Variants in NFU1 observed in about 807,000 individuals in gnomAD.
The protein encoded by NFU1 is NFU1 iron-sulfur cluster scaffold.
Under a neutral mutation model 32.2 loss-of-function variants are expected in NFU1, and 30 were observed. The ratio of observed to expected loss-of-function variants is 0.93; its 90% CI spans 0.70 to 1.26. The LOEUF (loss-of-function observed/expected upper bound fraction) is 1.26, where lower values mean the gene tolerates loss of function less well. Among genes scored for constraint, NFU1 ranks in the 50% most tolerant of loss-of-function variants. The pLI, the probability that NFU1 is intolerant of heterozygous loss-of-function variation, is 0.00. For missense variants in NFU1, 306 were observed against 306.6 expected, an observed-to-expected ratio of 1.00 and a Z score of 0.02; for synonymous variants, 112 against 104.6, an observed-to-expected ratio of 1.07 and a Z score of -0.43.
At chr2:69,402,878 C>A (rs997005325) in intron 6 of NFU1, among the ~76,000 whole-genome samples, 5 of 151,798 alleles carry the variant, frequency 3.3e-5, no homozygotes, top group African/African-American at 7.3e-5. Flanking sequence ...CCACCGCGCC[C>A]GGTCTTTATC....
At chr2:69,438,943 T>G (rs1202075237), upstream of NFU1, among the ~76,000 whole-genome samples, 4 of 130,308 alleles carry the variant, frequency 3.1e-5, no homozygotes, top group Admixed American at 3.6e-4. Context: ...CGCAAGGCAG[T>G]CCAAGGCTCT....
At position 69,413,304 on chromosome 2, in the gene NFU1, A is replaced by G. The variant is rs80109589; in HGVS notation, c.484+1881T>C. Among the ~76,000 whole-genome samples, 2,059 of 149,114 alleles carry G rather than the reference A, an allele frequency of 0.014. 104 individuals are homozygous for G. The East Asian group carries it at 0.17, about 12-fold the overall frequency. On this transcript the variant is annotated intron_variant, in intron 5 of 7. Coordinates refer to ENST00000410022, the MANE Select transcript of NFU1 (RefSeq NM_001002755.4). ...CCGTTTCAAAAAAAAAAAAGAAAAAAAAACAAGGTACCATTGTATACCCAA... is the reference window on the plus strand; with the variant it reads ...CCGTTTCAAAAAAAAAAAAGAAAAAGAAACAAGGTACCATTGTATACCCAA...
chr2:69,436,476 T>C (rs1460714981), intron 1 of NFU1, among the ~76,000 whole-genome samples: 2 of 152,170 alleles, frequency 1.3e-5, no homozygotes, highest in South Asian at 2.1e-4. Flanking sequence ...GCAGAATGAA[T>C]AAAGAGGAAG....
chr2:69,397,686 G>A (rs529741102), intron 7 of NFU1, among the ~76,000 whole-genome samples: 5 of 152,126 alleles, frequency 3.3e-5, no homozygotes, highest in African/African-American at 1.2e-4. Context: ...GCTGAGGCAG[G>A]TGGATCACCT....
chr2:69,428,276 T>C (rs1337638687), intron 2 of NFU1, among the ~76,000 whole-genome samples: 2 of 151,834 alleles, frequency 1.3e-5, no homozygotes, highest in Non-Finnish European at 2.9e-5. Flanking sequence ...AATACAAAAA[T>C]TAGCCAGGTG....
At chr2:69,421,154 A>G (rs969085830) in intron 3 of NFU1, among the ~76,000 whole-genome samples, 1 of 152,162 alleles carries the variant, frequency 6.6e-6, no homozygotes, top group Non-Finnish European at 1.5e-5. Context: ...CAGTGAGCCA[A>G]GATCACGCCA....
Position 69,430,012 on chromosome 2 carries a change from T to C in NFU1, c.166+1890A>G, listed in dbSNP as rs149453853. ...TCACTGCACTTTAGCCTGGGCAACA[T>C]AGTGAGACCCTGCCTCAAAAACAAA... On this transcript the variant is annotated intron_variant, in intron 2 of 7. Coordinates refer to ENST00000410022, the MANE Select transcript of NFU1 (RefSeq NM_001002755.4). The C allele has an allele frequency of 1.7e-3, 543 of 327,464 alleles. 2 individuals carry two copies. Among genetic ancestry groups the C allele is most frequent in the Admixed American group, 1.9e-3 (47 of 24,872 alleles). The allele number at this position is 327,464 out of a possible 1,614,324, so 20.3% of individuals were successfully genotyped here.
chr2:69,422,363 G>A (rs556203603), intron 3 of NFU1, among the ~76,000 whole-genome samples: 2 of 152,136 alleles, frequency 1.3e-5, no homozygotes, highest in Non-Finnish European at 2.9e-5. Context: ...TGAAACCAGG[G>A]AAAGTGAAAC....
upstream of NFU1, among the ~76,000 whole-genome samples, chr2:69,438,910 C>A (rs1314864916): frequency 1.1e-4 from 14 of 126,188 alleles, no homozygotes; most frequent in South Asian, 2.6e-3. Context: ...CCACCCACCC[C>A]CCCACACACA....
Position 69,435,072 on chromosome 2 carries a change from G to C in NFU1, c.62+2289C>G, listed in dbSNP as rs531250939. 3.9e-5 allele frequency among the ~76,000 whole-genome samples: 6 copies of C among 152,234 alleles called. No individual in the cohort carries two copies. The East Asian group carries it at 9.6e-4, about 24-fold the overall frequency. On this transcript the variant is annotated intron_variant, in intron 1 of 7. Coordinates refer to ENST00000410022, the MANE Select transcript of NFU1 (RefSeq NM_001002755.4). Reference sequence around the variant, plus strand: ...GAAGTTGCAACTCTTAGGACCGCCAGAATAATGGCTGGTAATCATTTACAT... The same window carrying C: ...GAAGTTGCAACTCTTAGGACCGCCACAATAATGGCTGGTAATCATTTACAT...
intron 1 of NFU1, among the ~76,000 whole-genome samples, chr2:69,435,050 G>T (rs1177698313): frequency 2.0e-5 from 3 of 152,200 alleles, no homozygotes; most frequent in Non-Finnish European, 4.4e-5. Flanking sequence ...AATTGGGGAA[G>T]TTGCAACTCT....
intron 3 of NFU1, among the ~76,000 whole-genome samples, chr2:69,423,146 TTGTGTGTG>T (rs1169374450): frequency 7.6e-6 from 1 of 132,134 alleles, no homozygotes; most frequent in Non-Finnish European, 1.5e-5. Flanking sequence ...TCAGCTAAAT[TTGTGTGTG>T]TGTGTGTGTG....
At position 69,413,312 on chromosome 2, in the gene NFU1, G is replaced by T. The variant is rs1399506802; in HGVS notation, c.484+1873C>A. On this transcript the variant is annotated intron_variant, in intron 5 of 7. Transcript: ENST00000410022. ...AAAAAAAAAAAGAAAAAAAAACAAG[G>T]TACCATTGTATACCCAACATACGGG... Among the ~76,000 whole-genome samples the T allele has an allele frequency of 2.1e-5, 3 of 141,634 alleles. No individual in the cohort carries two copies. The Admixed American group carries it at 2.2e-4, about 10-fold the overall frequency. The allele number at this position is 141,634 out of a possible 152,430, so 92.9% of individuals were successfully genotyped here. A position where few individuals can be genotyped will look rare whatever the true frequency, so the allele number is the denominator to read the frequency against.
chr2:69,414,812 T>C (rs1177595406), intron 5 of NFU1, among the ~76,000 whole-genome samples: 1 of 152,064 alleles, frequency 6.6e-6, no homozygotes, highest in Non-Finnish European at 1.5e-5. Context: ...ATGCTCTATA[T>C]TCTGACACTG....
At position 69,420,607 on chromosome 2, in the gene NFU1, G is replaced by A. The variant is rs538828185; in HGVS notation, c.303-1003C>T. Among the ~76,000 whole-genome samples, 4 of 152,228 alleles carry A rather than the reference G, an allele frequency of 2.6e-5. No individual in the cohort carries two copies. The East Asian group carries it at 7.7e-4, about 29-fold the overall frequency. ...AGTATCATATTGGACTCACTGTTCT[G>A]CAAGTTGCTTTCTTCACTTGTATGT... On this transcript the variant is annotated intron_variant, in intron 3 of 7. Coordinates refer to ENST00000410022, the MANE Select transcript of NFU1 (RefSeq NM_001002755.4).
At chr2:69,416,297 T>A (rs1673049436) in intron 4 of NFU1, 1 of 143,460 alleles carries the variant, frequency 7.0e-6, no homozygotes, top group Admixed American at 6.9e-5. Flanking sequence ...TTATTATTAA[T>A]AATATAATTA....
rs756107207 is a variant in NFU1, at chr2:69,400,310, CA to C, written c.720+53del. On this transcript the variant is annotated intron_variant, in intron 7 of 7. Coordinates refer to ENST00000410022, the MANE Select transcript of NFU1 (RefSeq NM_001002755.4). ...CATCTATTTCCAGCCTTTGTATCTA[CA>C]AAGAAAAAGAAAAAATGAAAAAAAT... 2.1e-5 allele frequency: 31 copies of C among 1,510,618 alleles called. No individual in the cohort carries two copies. The African/African-American group carries it at 4.0e-4, about 19-fold the overall frequency. 93.6% of individuals were successfully genotyped at this position (1,510,618 alleles called of 1,614,324 possible). A position where few individuals can be genotyped will look rare whatever the true frequency, so the allele number is the denominator to read the frequency against.
chr2:69,439,260 G>T (rs56011413), upstream of NFU1, among the ~76,000 whole-genome samples: 3,363 of 152,208 alleles, frequency 0.022, 146 homozygotes, highest in African/African-American at 0.076. Context: ...ACTGTGTCCG[G>T]AATTGGTGGG....
At chr2:69,399,858 T>C (rs1477794386) in intron 7 of NFU1, among the ~76,000 whole-genome samples, 1 of 148,698 alleles carries the variant, frequency 6.7e-6, no homozygotes, top group Non-Finnish European at 1.5e-5. Flanking sequence ...TAGGTTCTCA[T>C]AACACTAAAG....
Sources: gnomAD v4.1 joint callset for allele counts (sites outside exome capture counted in the v4.1 genomes callset) on GRCh38, gnomAD v4.1.1 for gene constraint, MANE v1.5 for transcripts, NCBI Gene and HGNC (gene_info 2026-07-23, HGNC 2026-07-21) for gene names.